The following CDH13 variants were observed in gnomAD, a reference collection of about 807,000 sequenced individuals.
CDH13 encodes the protein cadherin 13.
CDH13 carries 24 observed loss-of-function variants against 63.8 expected under a neutral mutation model. The observed-to-expected ratio is 0.38, with a 90% CI of 0.27 to 0.53. The LOEUF (loss-of-function observed/expected upper bound fraction) is 0.53. Among genes scored for constraint, CDH13 ranks in the 20% least tolerant of loss-of-function variants. The probability of loss-of-function intolerance (pLI) is 0.85; values close to 1 mark genes in which losing one functional copy is unlikely to be tolerated. For missense variants in CDH13, 1,049 were observed against 903.1 expected, an observed-to-expected ratio of 1.16 and a Z score of -2.07; for synonymous variants, 503 against 355.3, an observed-to-expected ratio of 1.42 and a Z score of -4.67.
At chr16:83,397,597 C>G (rs2091907209) in intron 6 of CDH13, 1 of 152,146 alleles carries the variant, frequency 6.6e-6, no homozygotes, top group South Asian at 2.1e-4. Flanking sequence ...GATCTGATAT[C>G]ACCCCAATAC....
intron 2 of CDH13, among the ~76,000 whole-genome samples, chr16:82,903,139 T>A (rs1210156947): frequency 6.6e-6 from 1 of 152,264 alleles, no homozygotes; most frequent in Non-Finnish European, 1.5e-5. Context: ...TGAAACCACC[T>A]CAGGCCTCTG....
chr16:83,719,865 C>T (rs1909455110), intron 10 of CDH13, among the ~76,000 whole-genome samples: 1 of 152,178 alleles, frequency 6.6e-6, no homozygotes, highest in Non-Finnish European at 1.5e-5. Flanking sequence ...GGCAGAATTT[C>T]CCTGGTCTGA....
At chr16:83,643,297 A>AAAAT (rs1467316932) in intron 8 of CDH13, among the ~76,000 whole-genome samples, 1 of 52,808 alleles carries the variant, frequency 1.9e-5, no homozygotes, top group East Asian at 5.5e-4. Context: ...AAAAAAAAAA[A>AAAAT]AAAAGAAAAA....
intron 2 of CDH13, among the ~76,000 whole-genome samples, chr16:82,966,297 C>G (rs142906915): frequency 6.6e-6 from 1 of 151,826 alleles, no homozygotes; most frequent in Non-Finnish European, 1.5e-5. Context: ...TACAGGCGCC[C>G]GCCACCACGC....
chr16:82,703,153 C>CAT (rs2031189446), intron 1 of CDH13, among the ~76,000 whole-genome samples: 1 of 151,732 alleles, frequency 6.6e-6, no homozygotes. Flanking sequence ...TGTATATATG[C>CAT]ATATATATGT....
chr16:82,803,788 C>G (rs2036995741), intron 1 of CDH13, among the ~76,000 whole-genome samples: 1 of 152,092 alleles, frequency 6.6e-6, no homozygotes, highest in African/African-American at 2.4e-5. Context: ...CTAATAGAAG[C>G]AGAGTAGAAT....
intron 7 of CDH13, among the ~76,000 whole-genome samples, chr16:83,518,681 C>G (rs2074757948): frequency 6.6e-6 from 1 of 151,410 alleles, no homozygotes; most frequent in South Asian, 2.1e-4. Flanking sequence ...CCATGTTAGC[C>G]AGGATGGTCT....
chr16:83,482,277 A>G (rs568514628), intron 6 of CDH13, among the ~76,000 whole-genome samples: 2 of 152,284 alleles, frequency 1.3e-5, no homozygotes, highest in East Asian at 3.9e-4. Context: ...TACAAAATGA[A>G]CACAACAGTC....
At chr16:83,090,449 C>T (rs971214649) in intron 3 of CDH13, among the ~76,000 whole-genome samples, 2 of 151,970 alleles carry the variant, frequency 1.3e-5, no homozygotes, top group South Asian at 4.1e-4. Flanking sequence ...TGGTGCACCC[C>T]TGTAATCCCA....
intron 8 of CDH13, among the ~76,000 whole-genome samples, chr16:83,629,759 C>T (rs1027190202): frequency 6.6e-6 from 1 of 152,284 alleles, no homozygotes; most frequent in East Asian, 1.9e-4. Flanking sequence ...CAAGACTATT[C>T]AATGAGAGCA....
At chr16:83,197,769 C>T (rs2038916528) in intron 4 of CDH13, among the ~76,000 whole-genome samples, 1 of 151,102 alleles carries the variant, frequency 6.6e-6, no homozygotes, top group Non-Finnish European at 1.5e-5. Flanking sequence ...TACACACACA[C>T]ACACTCTCAC....
chr16:83,574,752 TAAC>T (rs1245657993), intron 7 of CDH13, among the ~76,000 whole-genome samples: 1 of 152,182 alleles, frequency 6.6e-6, no homozygotes, highest in Non-Finnish European at 1.5e-5. Flanking sequence ...GATTCCCATG[TAAC>T]AACAACTTTC....
At chr16:82,783,230 C>T (rs1022536519) in intron 1 of CDH13, among the ~76,000 whole-genome samples, 2 of 152,216 alleles carry the variant, frequency 1.3e-5, no homozygotes, top group Non-Finnish European at 2.9e-5. Flanking sequence ...GGGCCAAAGA[C>T]CGCAAAGCTC....
intron 3 of CDH13, among the ~76,000 whole-genome samples, chr16:83,045,322 A>G (rs1321631880): frequency 6.6e-6 from 1 of 152,160 alleles, no homozygotes; most frequent in African/African-American, 2.4e-5. Context: ...TTCCAAATGT[A>G]AATGTCTGCC....
intron 3 of CDH13, among the ~76,000 whole-genome samples, chr16:83,065,538 C>G (rs560457573): frequency 2.6e-5 from 4 of 152,106 alleles, no homozygotes; most frequent in Admixed American, 6.6e-5. Flanking sequence ...AACCCCGTCT[C>G]TACTAAAAAT....
chr16:83,050,523 C>T (rs541162743), intron 3 of CDH13, among the ~76,000 whole-genome samples: 3 of 152,290 alleles, frequency 2.0e-5, no homozygotes, highest in Admixed American at 6.5e-5. Context: ...TCTAGTTCTT[C>T]TTCTTATTCC....
At chr16:83,050,988 A>G (rs1444759366) in intron 3 of CDH13, among the ~76,000 whole-genome samples, 1 of 152,158 alleles carries the variant, frequency 6.6e-6, no homozygotes, top group East Asian at 1.9e-4. Flanking sequence ...TCTTCATTAC[A>G]GTGGTCACAA....
intron 5 of CDH13, among the ~76,000 whole-genome samples, chr16:83,243,152 A>T (rs757678857): frequency 6.6e-5 from 10 of 152,142 alleles, no homozygotes; most frequent in Non-Finnish European, 1.2e-4. Context: ...GTGGCCTCGT[A>T]CCAGGGCCTC....
chr16:83,579,784 A>G (rs1338599543), intron 7 of CDH13, among the ~76,000 whole-genome samples: 3 of 151,928 alleles, frequency 2.0e-5, no homozygotes, highest in Non-Finnish European at 4.4e-5. Flanking sequence ...TGCCATTGTG[A>G]TAAGTCAGAT....
Sources: allele counts gnomAD v4.1 joint callset (sites outside exome capture counted in the v4.1 genomes callset), GRCh38; gene constraint gnomAD v4.1.1; transcripts MANE v1.5; gene names NCBI Gene and HGNC (gene_info 2026-07-23, HGNC 2026-07-21).